The following PDS5B variants were observed in gnomAD, a reference collection of about 807,000 sequenced individuals.
The protein encoded by PDS5B is sister chromatid cohesion protein PDS5 homolog B.
In PDS5B, 51 loss-of-function variants were observed where a neutral mutation model predicts 184.1. The observed-to-expected ratio is 0.28, with a 90% CI of 0.22 to 0.35. The LOEUF (loss-of-function observed/expected upper bound fraction) is 0.35. Ranked by LOEUF, PDS5B falls within the 10% of genes least tolerant of loss-of-function variation. The pLI, the probability that PDS5B is intolerant of heterozygous loss-of-function variation, is 1.00. For missense variants in PDS5B, 1,180 were observed against 1,723.3 expected, an observed-to-expected ratio of 0.68 and a Z score of 5.58; for synonymous variants, 566 against 569.2, an observed-to-expected ratio of 0.99 and a Z score of 0.08.
In PDS5B at chr13:32,708,652, G is replaced by A. The variant is rs192302378; in HGVS notation, c.1963-1294G>A. Among the ~76,000 whole-genome samples, 57 of 152,106 alleles carry A rather than the reference G, an allele frequency of 3.7e-4. 1 individual carries two copies. The East Asian group carries it at 6.8e-3, about 18-fold the overall frequency. The stretch of plus-strand genomic sequence containing the variant: ...TATAATACATTTTTAAAAGATTTGC[G>A]AATCTGATAAGCAAAAATAATGTTT... On this transcript the variant is annotated intron_variant, in intron 18 of 34. Transcript: ENST00000315596.
chr13:32,694,560 T>C (rs775691769), intron 14 of PDS5B, among the ~76,000 whole-genome samples: 2 of 151,848 alleles, frequency 1.3e-5, no homozygotes, highest in Non-Finnish European at 2.9e-5. Flanking sequence ...TTTTGGTAGC[T>C]TTAAAATAAA....
chr13:32,684,885 G>A (rs988274793), intron 11 of PDS5B, among the ~76,000 whole-genome samples: 6 of 152,142 alleles, frequency 3.9e-5, no homozygotes, highest in African/African-American at 1.4e-4. Flanking sequence ...AGGCTGAGAC[G>A]GGTAGATCAT....
intron 1 of PDS5B, among the ~76,000 whole-genome samples, chr13:32,647,656 T>G (rs1387511356): frequency 6.6e-6 from 1 of 152,164 alleles, no homozygotes; most frequent in Non-Finnish European, 1.5e-5. Context: ...TTTTCATTTT[T>G]AGAAGTTCTA....
At chr13:32,761,651 G>A (rs746700546) in intron 30 of PDS5B, among the ~76,000 whole-genome samples, 2 of 152,046 alleles carry the variant, frequency 1.3e-5, no homozygotes, top group Non-Finnish European at 2.9e-5. Context: ...CTTTTTTATG[G>A]CTGCGTAGTA....
At chr13:32,699,004 C>A (rs936274385) in intron 15 of PDS5B, among the ~76,000 whole-genome samples, 1 of 152,138 alleles carries the variant, frequency 6.6e-6, no homozygotes, top group Non-Finnish European at 1.5e-5. Context: ...CCTCCTGCCT[C>A]GGCCTCACAA....
At chr13:32,727,332 A>G (rs774275057) in intron 19 of PDS5B, among the ~76,000 whole-genome samples, 89 of 152,076 alleles carry the variant, frequency 5.9e-4, no homozygotes, top group Non-Finnish European at 8.2e-4. Context: ...TGATATTTTT[A>G]CTCTAGTGTA....
intron 6 of PDS5B, among the ~76,000 whole-genome samples, chr13:32,664,554 C>G (rs992446431): frequency 2.6e-5 from 4 of 152,094 alleles, no homozygotes; most frequent in Admixed American, 2.6e-4. Context: ...GCATACTGAT[C>G]AATAATTCAA....
intron 20 of PDS5B, 132 bp downstream of exon 20, chr13:32,732,356 A>G (rs1042612560): frequency 2.2e-5 from 14 of 643,996 alleles, no homozygotes; most frequent in Non-Finnish European, 3.6e-5. Flanking sequence ...AATCAGTAAA[A>G]TCAACATTGA....
intron 26 of PDS5B, 111 bp from the exon 27 acceptor site, chr13:32,757,976 C>A: frequency 2.4e-6 from 1 of 422,806 alleles, no homozygotes; most frequent in Non-Finnish European, 4.0e-6. Flanking sequence ...TTTTTTCTTC[C>A]TGGAGTTATA....
chr13:32,751,315 A>G (rs961886754), intron 24 of PDS5B, among the ~76,000 whole-genome samples: 1 of 152,360 alleles, frequency 6.6e-6, no homozygotes, highest in East Asian at 1.9e-4. Flanking sequence ...CAGTGAACAT[A>G]TACATACATA....
chr13:32,590,184 A>T (rs994639971), intron 1 of PDS5B, among the ~76,000 whole-genome samples: 1 of 152,264 alleles, frequency 6.6e-6, no homozygotes, highest in African/African-American at 2.4e-5. Flanking sequence ...AAAAGCTAAC[A>T]GGCTTGGGGG....
At chr13:32,752,729 C>T (rs1420350973) in intron 24 of PDS5B, among the ~76,000 whole-genome samples, 2 of 152,078 alleles carry the variant, frequency 1.3e-5, no homozygotes, top group East Asian at 3.8e-4. Flanking sequence ...ATGAGTTAAG[C>T]AGGCACACGG....
At chr13:32,734,212 A>C (rs369009206) in intron 20 of PDS5B, among the ~76,000 whole-genome samples, 26 of 135,642 alleles carry the variant, frequency 1.9e-4, no homozygotes, top group African/African-American at 5.6e-4. Flanking sequence ...TTTTTAGCGG[A>C]GACGGGATTC....
At chr13:32,702,436 G>A (rs1951889212) in intron 17 of PDS5B, among the ~76,000 whole-genome samples, 1 of 152,150 alleles carries the variant, frequency 6.6e-6, no homozygotes, top group Non-Finnish European at 1.5e-5. Context: ...TCTATTCAAG[G>A]CAGTACTCTT....
intron 1 of PDS5B, among the ~76,000 whole-genome samples, chr13:32,627,766 G>C (rs1015407154): frequency 6.6e-6 from 1 of 152,162 alleles, no homozygotes; most frequent in Admixed American, 6.5e-5. Context: ...GAGAGTTTTA[G>C]ATCTGGAAGG....
chr13:32,621,068 T>C (rs2058294344), intron 1 of PDS5B, among the ~76,000 whole-genome samples: 1 of 152,228 alleles, frequency 6.6e-6, no homozygotes, highest in Non-Finnish European at 1.5e-5. Flanking sequence ...CTGTTAGTGC[T>C]GTGGTAGAGT....
At chr13:32,593,837 G>A (rs2057813946) in intron 1 of PDS5B, among the ~76,000 whole-genome samples, 2 of 152,136 alleles carry the variant, frequency 1.3e-5, no homozygotes, top group Admixed American at 1.3e-4. Flanking sequence ...AGGGTGGCAA[G>A]GTGGAAGAGA....
chr13:32,603,702 A>G (rs1384541183), intron 1 of PDS5B, among the ~76,000 whole-genome samples: 1 of 152,164 alleles, frequency 6.6e-6, no homozygotes, highest in Non-Finnish European at 1.5e-5. Flanking sequence ...GGCCATTTTC[A>G]CAGTATTGAT....
chr13:32,702,770 T>A (rs1270641896), intron 17 of PDS5B, among the ~76,000 whole-genome samples: 1 of 152,260 alleles, frequency 6.6e-6, no homozygotes, highest in African/African-American at 2.4e-5. Context: ...AGATGATCCT[T>A]AAAAAGCCAG....
Sources: gnomAD v4.1 joint callset for allele counts (sites outside exome capture counted in the v4.1 genomes callset) on GRCh38, gnomAD v4.1.1 for gene constraint, MANE v1.5 for transcripts, NCBI Gene and HGNC (gene_info 2026-07-23, HGNC 2026-07-21) for gene names.